Variants in PHTF2 observed in about 807,000 individuals in gnomAD.
PHTF2 encodes putative homeodomain transcription factor 2.
In PHTF2, 60 loss-of-function variants were observed where a neutral mutation model predicts 101.2. The ratio of observed to expected loss-of-function variants is 0.59; its 90% confidence interval spans 0.48 to 0.73. The LOEUF is 0.73. Among genes scored for constraint, PHTF2 ranks in the 30% least tolerant of loss-of-function variants. The pLI, the probability that PHTF2 is intolerant of heterozygous loss-of-function variation, is 0.00. For synonymous variants in PHTF2, 311 were observed against 307.3 expected, an observed-to-expected ratio of 1.01 and a Z score of -0.13; for missense variants, 747 against 908.7, an observed-to-expected ratio of 0.82 and a Z score of 2.29.
chr7:77,801,746 T>C (rs181013514), intron 1 of PHTF2, among the ~76,000 whole-genome samples: 2 of 152,348 alleles, frequency 1.3e-5, no homozygotes, highest in East Asian at 1.9e-4. Context: ...CTCTAAGATA[T>C]CTCTTTATGT....
At chr7:77,835,588 T>C (rs1284188819) in intron 1 of PHTF2, among the ~76,000 whole-genome samples, 2 of 152,146 alleles carry the variant, frequency 1.3e-5, no homozygotes, top group East Asian at 1.9e-4. Context: ...AGAATACTCA[T>C]AGGCATTATT....
At chr7:77,885,216 C>T (rs1266020348) in intron 3 of PHTF2, among the ~76,000 whole-genome samples, 1 of 152,120 alleles carries the variant, frequency 6.6e-6, no homozygotes, top group Non-Finnish European at 1.5e-5. Context: ...CCCTCAGCCT[C>T]CCAAGTAGCT....
chr7:77,930,685 G>T (rs1804486158), intron 12 of PHTF2, among the ~76,000 whole-genome samples: 1 of 152,186 alleles, frequency 6.6e-6, no homozygotes, highest in Non-Finnish European at 1.5e-5. Flanking sequence ...AGGCCTGGAA[G>T]TCCAAGATCA....
At chr7:77,893,540 C>T in intron 3 of PHTF2, 68 bp from the exon 3 acceptor site, 1 of 655,298 alleles carries the variant, frequency 1.5e-6, no homozygotes, top group Non-Finnish European at 2.7e-6. Flanking sequence ...GCTTGTATTT[C>T]AAGCAGAGTT....
chr7:77,817,268 A>T (rs1048084454), intron 1 of PHTF2, among the ~76,000 whole-genome samples: 2 of 152,032 alleles, frequency 1.3e-5, no homozygotes, highest in African/African-American at 4.8e-5. Context: ...TTTTAAGTTG[A>T]TGAGATGGTA....
chr7:77,835,063 A>G (rs1795346203), intron 1 of PHTF2, among the ~76,000 whole-genome samples: 1 of 152,072 alleles, frequency 6.6e-6, no homozygotes, highest in Non-Finnish European at 1.5e-5. Context: ...ACCTGAGGTC[A>G]GGAGTTCGAG....
intron 2 of PHTF2, among the ~76,000 whole-genome samples, chr7:77,845,579 A>C (rs1366429353): frequency 6.6e-6 from 1 of 152,222 alleles, no homozygotes; most frequent in Non-Finnish European, 1.5e-5. Context: ...TCAATTGTAA[A>C]TAGTTGGGAA....
chr7:77,897,332 C>A (rs1800964626), intron 5 of PHTF2, among the ~76,000 whole-genome samples: 1 of 131,820 alleles, frequency 7.6e-6, no homozygotes, highest in Non-Finnish European at 1.6e-5. Flanking sequence ...TATCTGTGTA[C>A]TTAGAGAGTT....
At chr7:77,852,259 A>G (rs1374733226) in intron 2 of PHTF2, among the ~76,000 whole-genome samples, 5 of 152,222 alleles carry the variant, frequency 3.3e-5, no homozygotes, top group Non-Finnish European at 5.9e-5. Flanking sequence ...TCGGAGGCTG[A>G]GGCAGGCAGA....
intron 2 of PHTF2, among the ~76,000 whole-genome samples, chr7:77,842,447 C>G (rs1795966863): frequency 6.6e-6 from 1 of 152,108 alleles, no homozygotes; most frequent in East Asian, 1.9e-4. Flanking sequence ...TTGCCAGAAC[C>G]ATTAACTGGA....
At chr7:77,916,836 C>T (rs191164815) in intron 9 of PHTF2, among the ~76,000 whole-genome samples, 173 of 152,166 alleles carry the variant, frequency 1.1e-3, no homozygotes, top group Middle Eastern at 0.01. Context: ...AAGAAAAATA[C>T]GTCTGTACAT....
chr7:77,844,657 T>C (rs1218197458), intron 2 of PHTF2, among the ~76,000 whole-genome samples: 4 of 152,152 alleles, frequency 2.6e-5, no homozygotes, highest in Non-Finnish European at 4.4e-5. Flanking sequence ...CCCCAGTAGC[T>C]GGGATTACAG....
chr7:77,834,100 T>C (rs948012919), intron 1 of PHTF2, among the ~76,000 whole-genome samples: 3 of 151,862 alleles, frequency 2.0e-5, no homozygotes, highest in Non-Finnish European at 4.4e-5. Flanking sequence ...TAGCAGCAGT[T>C]AAAAGTGCAT....
At chr7:77,934,003 G>T (rs1804857576) in intron 12 of PHTF2, among the ~76,000 whole-genome samples, 1 of 152,062 alleles carries the variant, frequency 6.6e-6, no homozygotes, top group African/African-American at 2.4e-5. Context: ...TTAGATTAAA[G>T]ACTTGATCTT....
chr7:77,854,965 C>T (rs1397129040), intron 3 of PHTF2: 1 of 587,766 alleles, frequency 1.7e-6, no homozygotes, highest in African/African-American at 1.9e-5. Context: ...TGGTGTTCTA[C>T]CCTACTGTGG....
At chr7:77,940,163 C>T (rs1398725276) in exon 14 of PHTF2, 1 of 1,613,640 alleles carries the variant, frequency 6.2e-7, no homozygotes. Context: ...CATTCTGCTT[C>T]AGAACTTTAT....
rs745573606 is a variant in PHTF2, at chr7:77,929,143, G to A, written c.1154G>A (p.Arg385His). ...AAATCGGGTACTAGTTGCAGCTCTC[G>A]CTGTTCAAGTTCCAGACAGGATTCT... is the stretch of plus-strand genomic sequence containing the variant. Residue 385 changes from arginine (R) to histidine (H), a missense_variant, in exon 12 of 20, where the codon CGC becomes CAC. Transcript: ENST00000416283. The A allele has an allele frequency of 1.1e-5, 18 of 1,613,690 alleles. No homozygotes were observed. In the Middle Eastern group the frequency reaches 6.6e-4, roughly 59 times the overall value.
intron 1 of PHTF2, among the ~76,000 whole-genome samples, chr7:77,823,147 A>G (rs960006912): frequency 3.4e-4 from 52 of 151,256 alleles, no homozygotes; most frequent in African/African-American, 1.2e-3. Flanking sequence ...CTCGTGATCC[A>G]CCCGCCTCGG....
intron 7 of PHTF2, among the ~76,000 whole-genome samples, chr7:77,904,713 T>TA (rs1801698212): frequency 6.6e-6 from 1 of 152,244 alleles, no homozygotes; most frequent in African/African-American, 2.4e-5. Flanking sequence ...GCCTTACACT[T>TA]ACGAATCTGT....
Sources: gnomAD v4.1 joint callset for allele counts (sites outside exome capture counted in the v4.1 genomes callset) on GRCh38, gnomAD v4.1.1 for gene constraint, MANE v1.5 for transcripts, NCBI Gene and HGNC (gene_info 2026-07-23, HGNC 2026-07-21) for gene names.